The following PKIA variants were observed in gnomAD, a reference collection of about 807,000 sequenced individuals.
PKIA encodes the protein cAMP-dependent protein kinase inhibitor alpha.
A neutral mutation model predicts 7.6 loss-of-function variants in PKIA; 4 were observed. The observed-to-expected ratio is 0.52, with a 90% CI of 0.26 to 1.20. The LOEUF is 1.20. Among genes scored for constraint, PKIA ranks in the 50% most tolerant of loss-of-function variants. The pLI is 0.13. For synonymous variants in PKIA, 21 were observed against 30.7 expected (o/e 0.68, Z 1.04); for missense variants, 73 against 86.2 (o/e 0.85, Z 0.61).
intron 1 of PKIA, among the ~76,000 whole-genome samples, chr8:78,517,491 A>G (rs116738203): frequency 0.011 from 1,711 of 152,300 alleles, 33 homozygotes; most frequent in African/African-American, 0.038. Flanking sequence ...AGCTGTTAAG[A>G]TTTGGGACAA....
chr8:78,529,391 C>T (rs1360226801), intron 1 of PKIA, among the ~76,000 whole-genome samples: 1 of 151,984 alleles, frequency 6.6e-6, no homozygotes, highest in African/African-American at 2.4e-5. Flanking sequence ...TCAGATTTTC[C>T]TTTAAACTGA....
At chr8:78,535,680 C>G (rs930389195) in intron 1 of PKIA, 1 of 152,026 alleles carries the variant, frequency 6.6e-6, no homozygotes, top group African/African-American at 2.4e-5. Flanking sequence ...ACATTCAGCC[C>G]TCCGAATCTG....
chr8:78,538,319 C>A (rs2118396738), intron 1 of PKIA, among the ~76,000 whole-genome samples: 1 of 152,148 alleles, frequency 6.6e-6, no homozygotes, highest in East Asian at 1.9e-4. Flanking sequence ...CATGGTACTA[C>A]TCTTTATTGT....
At chr8:78,518,150 GTTTC>G (rs1809350432) in intron 1 of PKIA, among the ~76,000 whole-genome samples, 1 of 152,142 alleles carries the variant, frequency 6.6e-6, no homozygotes, top group Admixed American at 6.5e-5. Flanking sequence ...ATTTGAATTT[GTTTC>G]TTTGTCTCCA....
chr8:78,595,507 G>A (rs560789717), intron 2 of PKIA, among the ~76,000 whole-genome samples: 25 of 152,136 alleles, frequency 1.6e-4, no homozygotes, highest in Admixed American at 5.9e-4. Context: ...TGCATATTTC[G>A]AGGGTTTGTA....
At chr8:78,529,854 T>C (rs997781772) in intron 1 of PKIA, among the ~76,000 whole-genome samples, 2 of 150,992 alleles carry the variant, frequency 1.3e-5, no homozygotes, top group African/African-American at 2.5e-5. Context: ...CAATTATCAA[T>C]GGTTAAATCA....
Position 78,522,863 on chromosome 8 carries a change from A to AT in PKIA, c.-157+6404dup, listed in dbSNP as rs997612400. Among the ~76,000 whole-genome samples, 15 of 150,670 alleles carry AT rather than the reference A, an allele frequency of 1.0e-4. No individual in the cohort carries two copies. The East Asian group carries it at 1.8e-3, about 18-fold the overall frequency. On this transcript the variant is annotated intron_variant, in intron 1 of 3. Transcript: ENST00000396418. ...GTACCTACATTATGGTAAATCTTTTATTTTTTTTTCTTAGTTTCTCTTTAA... is the reference window on the plus strand; with the variant it reads ...GTACCTACATTATGGTAAATCTTTTATTTTTTTTTTCTTAGTTTCTCTTTAA...
At chr8:78,529,986 A>G (rs560279029) in intron 1 of PKIA, among the ~76,000 whole-genome samples, 1 of 152,150 alleles carries the variant, frequency 6.6e-6, no homozygotes, top group African/African-American at 2.4e-5. Flanking sequence ...AACATTGCTG[A>G]GAGTGTGGTT....
intron 1 of PKIA, among the ~76,000 whole-genome samples, chr8:78,517,294 T>C (rs1809334324): frequency 1.3e-5 from 2 of 152,160 alleles, no homozygotes; most frequent in Non-Finnish European, 2.9e-5. Context: ...TGTACCAACA[T>C]GTTATCCCAT....
At chr8:78,571,943 G>A (rs2118557929) in intron 1 of PKIA, among the ~76,000 whole-genome samples, 1 of 152,176 alleles carries the variant, frequency 6.6e-6, no homozygotes, top group South Asian at 2.1e-4. Context: ...AAAGGTATAT[G>A]AGAATGGCCA....
chr8:78,531,495 T>G (rs1441860442), intron 1 of PKIA, among the ~76,000 whole-genome samples: 1 of 152,160 alleles, frequency 6.6e-6, no homozygotes, highest in Non-Finnish European at 1.5e-5. Flanking sequence ...ATAACAGTTA[T>G]TGTGCTTAGT....
chr8:78,597,912 G>A (rs1057024672), intron 2 of PKIA, among the ~76,000 whole-genome samples: 1 of 151,900 alleles, frequency 6.6e-6, no homozygotes, highest in South Asian at 2.1e-4. Flanking sequence ...CAGCAACATG[G>A]ATGGAGCTGA....
chr8:78,591,504 A>G (rs1042988659), intron 2 of PKIA, among the ~76,000 whole-genome samples: 1 of 152,194 alleles, frequency 6.6e-6, no homozygotes, highest in Non-Finnish European at 1.5e-5. Flanking sequence ...GCTAAAGAGT[A>G]AGAGAGTGAG....
chr8:78,532,509 CAA>C (rs531910650), intron 1 of PKIA, among the ~76,000 whole-genome samples: 28 of 101,342 alleles, frequency 2.8e-4, no homozygotes, highest in Admixed American at 3.3e-4. Context: ...GACTCCATCT[CAA>C]AAAAAAAAAA....
chr8:78,551,331 G>A (rs886618848), intron 1 of PKIA, among the ~76,000 whole-genome samples: 1 of 152,022 alleles, frequency 6.6e-6, no homozygotes, highest in Non-Finnish European at 1.5e-5. Context: ...CTAATGTATG[G>A]TATATGGTAG....
chr8:78,519,029 C>G (rs1809366057), intron 1 of PKIA, among the ~76,000 whole-genome samples: 1 of 151,994 alleles, frequency 6.6e-6, no homozygotes, highest in African/African-American at 2.4e-5. Context: ...AGAGGAAAAA[C>G]TAATTGGCTG....
intron 1 of PKIA, chr8:78,535,397 G>A (rs1378318773): frequency 6.6e-6 from 1 of 152,124 alleles, no homozygotes; most frequent in East Asian, 1.9e-4. Context: ...AAGAGGAGCA[G>A]TGAGTCTCAA....
rs1808359730 is a variant in PKIA at position 78,601,980 on chromosome 8, G to A, written c.*159G>A. The A allele has an allele frequency of 1.7e-6, 1 of 605,270 alleles. No individual in the cohort carries two copies. The highest frequency in any genetic ancestry group is 3.1e-5 in the Admixed American group (1 of 32,766). The allele number at this position is 605,270 out of a possible 1,614,324, so 37.5% of individuals were successfully genotyped here. The stretch of plus-strand genomic sequence containing the variant: ...CATGTTAAAAATGAGGGCAGAGGCT[G>A]TGGCTGCAGGCAGACTTTTCCCTAC... On this transcript the variant is annotated 3_prime_UTR_variant, in exon 4 of 4. Transcript: ENST00000396418.
At chr8:78,537,824 C>A (rs1390164118) in intron 1 of PKIA, among the ~76,000 whole-genome samples, 2 of 152,086 alleles carry the variant, frequency 1.3e-5, no homozygotes, top group African/African-American at 4.8e-5. Flanking sequence ...CTCAAATGGG[C>A]CTTCTGCTGC....
Sources: allele counts gnomAD v4.1 joint callset (sites outside exome capture counted in the v4.1 genomes callset), GRCh38; gene constraint gnomAD v4.1.1; transcripts MANE v1.5; gene names NCBI Gene and HGNC (gene_info 2026-07-23, HGNC 2026-07-21).